ROBO1: variants seen among roughly 807,000 people sequenced by gnomAD.
ROBO1 encodes roundabout homolog 1.
In ROBO1, 149 loss-of-function variants were observed where a neutral mutation model predicts 195.9. The ratio of observed to expected loss-of-function variants is 0.76; its 90% CI spans 0.67 to 0.87. ROBO1 has a LOEUF of 0.87. Ranked by LOEUF, ROBO1 falls within the 40% of genes least tolerant of loss-of-function variation. The pLI, the probability that ROBO1 is intolerant of heterozygous loss-of-function variation, is 0.00. For synonymous variants in ROBO1, 816 were observed against 733.2 expected, an observed-to-expected ratio of 1.11 and a Z score of -1.82; for missense variants, 1,933 against 2,068.3, an observed-to-expected ratio of 0.93 and a Z score of 1.27.
chr3:78,980,989 G>C (rs940540456), intron 3 of ROBO1, among the ~76,000 whole-genome samples: 1 of 152,028 alleles, frequency 6.6e-6, no homozygotes, highest in Non-Finnish European at 1.5e-5. Flanking sequence ...ACAGTCATTC[G>C]TATAAAACAT....
intron 2 of ROBO1, among the ~76,000 whole-genome samples, chr3:79,500,838 A>T (rs2107498697): frequency 6.6e-6 from 1 of 152,332 alleles, no homozygotes; most frequent in Non-Finnish European, 1.5e-5. Flanking sequence ...TATGCATTTT[A>T]GCAAGGGGGA....
intron 3 of ROBO1, among the ~76,000 whole-genome samples, chr3:78,990,861 T>C (rs1196755410): frequency 6.6e-6 from 1 of 152,188 alleles, no homozygotes; most frequent in Non-Finnish European, 1.5e-5. Context: ...TACATATTTA[T>C]AAATGAAACT....
intron 8 of ROBO1, among the ~76,000 whole-genome samples, chr3:78,696,647 T>TATACACATATATATAC (rs1361972125): frequency 1.4e-5 from 2 of 147,574 alleles, no homozygotes; most frequent in Non-Finnish European, 3.0e-5. Context: ...TATATATATA[T>TATACACATATATATAC]ATATACACAT....
At chr3:78,632,591 G>A (rs980309992) in intron 24 of ROBO1, among the ~76,000 whole-genome samples, 1 of 152,062 alleles carries the variant, frequency 6.6e-6, no homozygotes, top group Non-Finnish European at 1.5e-5. Context: ...TTATTTACTT[G>A]CTTTGTTCTC....
intron 19 of ROBO1, among the ~76,000 whole-genome samples, chr3:78,648,394 G>C (rs1376991857): frequency 6.6e-6 from 1 of 151,912 alleles, no homozygotes; most frequent in African/African-American, 2.4e-5. Context: ...CTAGAAGTAG[G>C]CTGGACATTC....
chr3:78,711,347 C>CTTT lies in ROBO1; in HGVS notation c.1045+3049_1045+3050insAAA, dbSNP rs1559772676. On this transcript the variant is annotated intron_variant, in intron 8 of 30. Transcript: ENST00000464233. Reference sequence around the variant, plus strand: ...TCTCTCCTTCCTTCCTTCCTTCCTTCCTCCTTCCTTCCTTCCTTCCTTCCT... The same window carrying CTTT: ...TCTCTCCTTCCTTCCTTCCTTCCTTCTTTCTCCTTCCTTCCTTCCTTCCTTCCT... 1.7e-3 allele frequency among the ~76,000 whole-genome samples: 67 copies of CTTT among 39,184 alleles called. 2 individuals carry two copies. The highest frequency in any genetic ancestry group is 4.4e-4 in the Non-Finnish European group (9 of 20,360). 25.7% of individuals were successfully genotyped at this position (39,184 alleles called of 152,430 possible). A position where few individuals can be genotyped will look rare whatever the true frequency, so the allele number is the denominator to read the frequency against.
chr3:78,618,240 C>T (rs991579241), intron 26 of ROBO1, among the ~76,000 whole-genome samples, 199 bp from the exon 27 acceptor site: 2 of 152,094 alleles, frequency 1.3e-5, no homozygotes, highest in South Asian at 2.1e-4. Context: ...GAGGCTCCAC[C>T]GGGTTACTTT....
At chr3:78,860,301 A>ACT (rs1442280224) in intron 4 of ROBO1, among the ~76,000 whole-genome samples, 12 of 66,590 alleles carry the variant, frequency 1.8e-4, no homozygotes, top group African/African-American at 6.4e-4. Context: ...ATTGAAATAT[A>ACT]CTATATATAT....
At chr3:79,760,261 A>AAAAAAAAAAAAAAAAAAAAAC (rs1704622622) in intron 1 of ROBO1, among the ~76,000 whole-genome samples, 1 of 146,526 alleles carries the variant, frequency 6.8e-6, no homozygotes, top group Non-Finnish European at 1.5e-5. Context: ...AAAAAAAAAA[A>AAAAAAAAAAAAAAAAAAAAAC]AAAAAAAAAA....
intron 21 of ROBO1, among the ~76,000 whole-genome samples, chr3:78,643,840 GATT>G (rs1210776777): frequency 2.0e-5 from 3 of 152,120 alleles, no homozygotes; most frequent in Non-Finnish European, 4.4e-5. Context: ...TTTTGTCATA[GATT>G]AGGCAAAGGA....
chr3:79,503,490 C>T (rs936031013), intron 2 of ROBO1, among the ~76,000 whole-genome samples: 7 of 152,144 alleles, frequency 4.6e-5, no homozygotes, highest in African/African-American at 7.2e-5. Flanking sequence ...TGAAGTGATA[C>T]GGCAACTACC....
At chr3:79,253,205 G>A (rs915721732) in intron 2 of ROBO1, among the ~76,000 whole-genome samples, 9 of 152,232 alleles carry the variant, frequency 5.9e-5, no homozygotes, top group African/African-American at 9.6e-5. Flanking sequence ...TTAATAATCC[G>A]TGTTAGTGTC....
intron 4 of ROBO1, among the ~76,000 whole-genome samples, chr3:78,762,759 A>G (rs1434563769): frequency 6.6e-6 from 1 of 152,090 alleles, no homozygotes; most frequent in Non-Finnish European, 1.5e-5. Context: ...AGGATTACTT[A>G]ATTTATTGTC....
intron 4 of ROBO1, among the ~76,000 whole-genome samples, chr3:78,860,324 A>ATTTTTT (rs1452163134): frequency 1.7e-5 from 1 of 59,874 alleles, no homozygotes; most frequent in African/African-American, 6.9e-5. Context: ...ATATATATAT[A>ATTTTTT]TATTTTTTTT....
intron 26 of ROBO1, among the ~76,000 whole-genome samples, chr3:78,623,068 T>C (rs1704549967): frequency 6.6e-6 from 1 of 152,218 alleles, no homozygotes; most frequent in South Asian, 2.1e-4. Context: ...AGTGGTTTGT[T>C]AGACAGCAAT....
chr3:79,208,944 T>C (rs1304989324), intron 2 of ROBO1, among the ~76,000 whole-genome samples: 2 of 152,162 alleles, frequency 1.3e-5, no homozygotes. Flanking sequence ...TCTCTGTTTA[T>C]GTGGGGAAGA....
chr3:78,937,879 C>A (rs542367947), intron 4 of ROBO1: 4 of 152,042 alleles, frequency 2.6e-5, no homozygotes, highest in African/African-American at 9.7e-5. Flanking sequence ...AAAACCCTAA[C>A]TTAAACTGCC....
intron 2 of ROBO1, among the ~76,000 whole-genome samples, chr3:79,436,662 T>C (rs943128478): frequency 2.0e-5 from 3 of 152,116 alleles, no homozygotes; most frequent in Non-Finnish European, 2.9e-5. Flanking sequence ...AAAGTTATTT[T>C]TGATACAGTG....
intron 3 of ROBO1, among the ~76,000 whole-genome samples, chr3:78,970,103 AT>A (rs2076731158): frequency 6.6e-6 from 1 of 152,162 alleles, no homozygotes; most frequent in Admixed American, 6.5e-5. Flanking sequence ...CCAAAGACTC[AT>A]TAAAGGTGAA....
Sources: gnomAD v4.1 joint callset for allele counts (sites outside exome capture counted in the v4.1 genomes callset) on GRCh38, gnomAD v4.1.1 for gene constraint, MANE v1.5 for transcripts, NCBI Gene and HGNC (gene_info 2026-07-23, HGNC 2026-07-21) for gene names.